PTPRJ: variants seen among roughly 807,000 people sequenced by gnomAD.
PTPRJ encodes protein tyrosine phosphatase receptor type J, also known as receptor-type tyrosine-protein phosphatase eta.
In PTPRJ, 129 loss-of-function variants were observed where a neutral mutation model predicts 141.3. The observed-to-expected ratio is 0.91, with a 90% CI of 0.79 to 1.06. PTPRJ has a LOEUF of 1.06. Among genes scored for constraint, PTPRJ ranks in the 50% least tolerant of loss-of-function variants. PTPRJ has a pLI of 0.00. For missense variants in PTPRJ, 1,601 were observed against 1,679.7 expected, an observed-to-expected ratio of 0.95 and a Z score of 0.82; for synonymous variants, 610 against 640.5, an observed-to-expected ratio of 0.95 and a Z score of 0.72.
At chr11:47,994,160 C>CTT (rs1257359689) in intron 1 of PTPRJ, among the ~76,000 whole-genome samples, 24 of 141,636 alleles carry the variant, frequency 1.7e-4, no homozygotes, top group African/African-American at 5.9e-4. Flanking sequence ...TGTGCCTGGC[C>CTT]TTTTTTTTTT....
At chr11:48,160,355 T>A (rs551953443) in intron 22 of PTPRJ, among the ~76,000 whole-genome samples, 1 of 152,202 alleles carries the variant, frequency 6.6e-6, no homozygotes, top group Non-Finnish European at 1.5e-5. Context: ...GCTCATAGAT[T>A]TTACAGAACA....
At chr11:48,056,444 G>A (rs796239288) in intron 1 of PTPRJ, among the ~76,000 whole-genome samples, 1 of 152,158 alleles carries the variant, frequency 6.6e-6, no homozygotes, top group South Asian at 2.1e-4. Flanking sequence ...AAAGCATTTA[G>A]TATACAGTTC....
intron 1 of PTPRJ, among the ~76,000 whole-genome samples, chr11:48,035,275 T>G (rs1302249765): frequency 6.6e-6 from 1 of 152,236 alleles, no homozygotes; most frequent in Non-Finnish European, 1.5e-5. Context: ...TTAATCGACC[T>G]GAGCCCCTCC....
chr11:47,993,460 T>G (rs1246994755), intron 1 of PTPRJ, among the ~76,000 whole-genome samples: 3 of 151,760 alleles, frequency 2.0e-5, no homozygotes, highest in Admixed American at 2.0e-4. Flanking sequence ...ACCCAGCTAG[T>G]TTTTGTATTT....
At chr11:48,121,873 A>G (rs989592281) in intron 4 of PTPRJ, among the ~76,000 whole-genome samples, 1 of 152,114 alleles carries the variant, frequency 6.6e-6, no homozygotes, top group African/African-American at 2.4e-5. Flanking sequence ...AGGAGAACCA[A>G]AAATTGAAGA....
chr11:48,008,313 T>G (rs1854678875), intron 1 of PTPRJ, among the ~76,000 whole-genome samples: 1 of 152,228 alleles, frequency 6.6e-6, no homozygotes, highest in South Asian at 2.1e-4. Context: ...CAGGCTGGAG[T>G]GCAGTGGCGT....
intron 1 of PTPRJ, among the ~76,000 whole-genome samples, chr11:48,042,301 C>G (rs1365184320): frequency 6.6e-6 from 1 of 152,152 alleles, no homozygotes; most frequent in Non-Finnish European, 1.5e-5. Flanking sequence ...AAACATCTCT[C>G]TTATGTTCTG....
chr11:48,051,887 G>A (rs1854580306), intron 1 of PTPRJ, among the ~76,000 whole-genome samples: 1 of 152,154 alleles, frequency 6.6e-6, no homozygotes, highest in Non-Finnish European at 1.5e-5. Context: ...CAGGTTTCTC[G>A]TGTTGCATAG....
chr11:48,040,473 T>A (rs1854245977), intron 1 of PTPRJ, among the ~76,000 whole-genome samples: 1 of 152,122 alleles, frequency 6.6e-6, no homozygotes, highest in African/African-American at 2.4e-5. Flanking sequence ...CTAAACAGAG[T>A]TGTTTCTAAA....
intron 15 of PTPRJ, 24 bp downstream of exon 15, chr11:48,146,987 A>G (rs1370944067): frequency 6.3e-7 from 1 of 1,585,896 alleles, no homozygotes; most frequent in East Asian, 2.2e-5. Flanking sequence ...TGCTAATAAT[A>G]ATACTCTGGT....
At chr11:48,053,638 G>A (rs1250171406) in intron 1 of PTPRJ, among the ~76,000 whole-genome samples, 1 of 145,222 alleles carries the variant, frequency 6.9e-6, no homozygotes, top group African/African-American at 2.5e-5. Context: ...GTGCAGTGGT[G>A]TGATCTTGGC....
At chr11:48,000,934 TTA>T (rs1195518690) in intron 1 of PTPRJ, among the ~76,000 whole-genome samples, 1 of 151,626 alleles carries the variant, frequency 6.6e-6, no homozygotes, top group African/African-American at 2.4e-5. Flanking sequence ...GGAGCTGGTA[TTA>T]TCCACAGGTT....
Position 48,144,995 on chromosome 11 carries a change from C to T in PTPRJ, c.2787-5C>T. On this transcript the variant is annotated splice_region_variant and splice_polypyrimidine_tract_variant and intron_variant, in intron 13 of 24. Coordinates refer to ENST00000418331, the MANE Select transcript of PTPRJ (RefSeq NM_002843.4). The stretch of plus-strand genomic sequence containing the variant: ...GACCTCTTTTTGCTCTTTGTTATCC[C>T]ACAGGGCTTGTGTGGCTGGCTTCAC... 6.2e-7 allele frequency: 1 copy of T among 1,614,174 alleles called. No individual in the cohort carries two copies. The highest frequency in any genetic ancestry group is 8.5e-7 in the Non-Finnish European group (1 of 1,180,030).
intron 22 of PTPRJ, among the ~76,000 whole-genome samples, chr11:48,163,086 T>G (rs1184846746): frequency 6.6e-6 from 1 of 152,082 alleles, no homozygotes; most frequent in African/African-American, 2.4e-5. Context: ...CTCATGCAGC[T>G]CTAAGGAGGT....
chr11:48,124,862 G>C (rs945184900), intron 5 of PTPRJ, 106 bp from the exon 6 acceptor site: 2 of 1,015,240 alleles, frequency 2.0e-6, no homozygotes, highest in Non-Finnish European at 3.0e-6. Flanking sequence ...AGCACCAACT[G>C]TGGCCACTGT....
chr11:48,102,862 G>A (rs78336105), intron 1 of PTPRJ, among the ~76,000 whole-genome samples: 2 of 152,234 alleles, frequency 1.3e-5, no homozygotes, highest in Non-Finnish European at 2.9e-5. Flanking sequence ...GTTCAGATAG[G>A]GACTTGGGGA....
chr11:47,999,184 G>A (rs1854425223), intron 1 of PTPRJ, among the ~76,000 whole-genome samples: 4 of 152,192 alleles, frequency 2.6e-5, no homozygotes, highest in Non-Finnish European at 5.9e-5. Flanking sequence ...AGGCTAAGGT[G>A]GGATCAATTA....
intron 3 of PTPRJ, among the ~76,000 whole-genome samples, chr11:48,115,151 A>G (rs993079351): frequency 1.4e-4 from 22 of 152,228 alleles, no homozygotes; most frequent in African/African-American, 5.1e-4. Context: ...AAGAAATAGT[A>G]GCAGAAAACT....
intron 11 of PTPRJ, among the ~76,000 whole-genome samples, chr11:48,140,801 T>C (rs1857213976): frequency 6.6e-6 from 1 of 151,948 alleles, no homozygotes; most frequent in South Asian, 2.1e-4. Context: ...ATTAAAAGTA[T>C]TATTTCAACA....
Sources: allele counts gnomAD v4.1 joint callset (sites outside exome capture counted in the v4.1 genomes callset), GRCh38; gene constraint gnomAD v4.1.1; transcripts MANE v1.5; gene names NCBI Gene and HGNC (gene_info 2026-07-23, HGNC 2026-07-21).